The following MBP variants were observed in gnomAD, a reference collection of about 807,000 sequenced individuals.
MBP encodes myelin basic protein, also known as Golli-MBP.
MBP carries 16 observed loss-of-function variants against 35.8 expected under a neutral mutation model. The ratio of observed to expected loss-of-function variants is 0.45; its 90% CI spans 0.30 to 0.68. MBP has a LOEUF of 0.68. Among genes scored for constraint, MBP ranks in the 30% least tolerant of loss-of-function variants. The probability of loss-of-function intolerance (pLI) is 0.08; values close to 1 mark genes in which losing one functional copy is unlikely to be tolerated. For missense variants in MBP, 380 were observed against 404.7 expected (o/e 0.94, Z 0.52); for synonymous variants, 143 against 159.6 (o/e 0.90, Z 0.78).
intron 4 of MBP, among the ~76,000 whole-genome samples, chr18:76,998,533 CGG>C (rs58548270): frequency 0.28 from 42,542 of 151,986 alleles, 6,528 homozygotes; most frequent in Non-Finnish European, 0.36. Context: ...CCCATGCCCT[CGG>C]GTGACTCGCA....
At chr18:77,036,046 T>C (rs11661965) in intron 3 of MBP, among the ~76,000 whole-genome samples, 57,274 of 151,682 alleles carry the variant, frequency 0.38, 12,221 homozygotes, top group Non-Finnish European at 0.48. Flanking sequence ...ACTCATGTCA[T>C]GGTCACATTT....
At chr18:76,990,895 C>T (rs1169354917) in intron 4 of MBP, 1 of 311,134 alleles carries the variant, frequency 3.2e-6, no homozygotes, top group Non-Finnish European at 6.6e-6. Flanking sequence ...TTTCTATCAC[C>T]GACTCAGTGT....
intron 1 of MBP, among the ~76,000 whole-genome samples, chr18:77,119,092 G>T (rs964256889): frequency 6.6e-6 from 1 of 152,190 alleles, no homozygotes; most frequent in African/African-American, 2.4e-5. Flanking sequence ...ACCACAGTTG[G>T]TCCCACAGGT....
chr18:77,020,049 C>T lies in MBP; in HGVS notation c.140-2781G>A, dbSNP rs371250940. Among the ~76,000 whole-genome samples, 19 of 152,000 alleles carry T rather than the reference C, an allele frequency of 1.3e-4. No homozygotes were observed. The highest frequency in any genetic ancestry group is 2.1e-4 in the South Asian group (1 of 4,796). ...AAGGGCAGAGCAGGCAGCTATGTGG[C>T]GAGAAGACAGGGCTTGGTTTGGGGA... On this transcript the variant is annotated intron_variant, in intron 3 of 8. Coordinates refer to ENST00000355994, the MANE Select transcript of MBP (RefSeq NM_001025101.2). This position sits in a 1 kb window ranked among gnomAD's most constrained non-coding sequence, Gnocchi z 4.1.
intron 3 of MBP, among the ~76,000 whole-genome samples, chr18:77,054,685 C>T (rs1973651818): frequency 6.6e-6 from 1 of 152,184 alleles, no homozygotes; most frequent in Non-Finnish European, 1.5e-5. Context: ...AATAGTGCTC[C>T]TCATTTTGTA....
chr18:77,127,632 A>G (rs952347927), intron 1 of MBP: 1 of 152,250 alleles, frequency 6.6e-6, no homozygotes, highest in African/African-American at 2.4e-5. Flanking sequence ...ATAATCACCG[A>G]GTGGTAAGGC....
chr18:77,081,914 T>A (rs866085939), intron 2 of MBP, among the ~76,000 whole-genome samples: 2 of 150,756 alleles, frequency 1.3e-5, no homozygotes, highest in South Asian at 2.1e-4. Flanking sequence ...TGCAGTGGCA[T>A]GATCTTGGCT....
At position 76,987,897 on chromosome 18, in the gene MBP, T is replaced by G. The variant is rs534692438; in HGVS notation, c.750+598A>C. The G allele has an allele frequency of 1.0e-4, 106 of 1,064,220 alleles. 2 individuals are homozygous for G. In the South Asian group the frequency reaches 2.5e-3, roughly 25 times the overall value. The allele number at this position is 1,064,220 out of a possible 1,614,324, so 65.9% of individuals were successfully genotyped here. On this transcript the variant is annotated intron_variant, in intron 7 of 8. Transcript: ENST00000355994. ...TTTTAAACCTTCCTTGAAAGTTTGC[T>G]TTCAGTATTAACCAGCCTAAAATTC...
chr18:77,041,521 A>T (rs927559672), intron 3 of MBP, among the ~76,000 whole-genome samples: 2 of 152,160 alleles, frequency 1.3e-5, no homozygotes, highest in African/African-American at 4.8e-5. Flanking sequence ...AAGACTTGGA[A>T]CCAACCCGAA....
intron 3 of MBP, among the ~76,000 whole-genome samples, chr18:77,027,064 C>T (rs1415066395): frequency 6.6e-6 from 1 of 152,052 alleles, no homozygotes; most frequent in Non-Finnish European, 1.5e-5. Context: ...GTATTTGCAT[C>T]GTTCCCATCT....
chr18:77,025,157 T>C (rs981627809), intron 3 of MBP, among the ~76,000 whole-genome samples: 2 of 152,230 alleles, frequency 1.3e-5, no homozygotes, highest in Non-Finnish European at 2.9e-5. Context: ...TCCCTCCGTA[T>C]GTTCTAGAAA....
In MBP at chr18:76,988,255, G is replaced by A; in HGVS notation, c.750+240C>T. Reference sequence around the variant, plus strand: ...GGAACCCTCTGGGAGAAGAGGATCTGGCCTTGCAGGGCTGGGTCCCCGGCA... The same window carrying A: ...GGAACCCTCTGGGAGAAGAGGATCTAGCCTTGCAGGGCTGGGTCCCCGGCA... On this transcript the variant is annotated intron_variant, in intron 7 of 8. Coordinates refer to ENST00000355994, the MANE Select transcript of MBP (RefSeq NM_001025101.2). This position sits in a 1 kb window ranked among gnomAD's most constrained non-coding sequence, Gnocchi z 5.2. 6.5e-7 allele frequency: 1 copy of A among 1,550,386 alleles called. No individual in the cohort carries two copies. Among genetic ancestry groups the A allele is most frequent in the African/African-American group, 1.4e-5 (1 of 73,144 alleles).
chr18:77,082,920 GACTA>G (rs1264853638), intron 2 of MBP, among the ~76,000 whole-genome samples: 1 of 151,788 alleles, frequency 6.6e-6, no homozygotes, highest in East Asian at 1.9e-4. Flanking sequence ...CATTTAAGGA[GACTA>G]ACTATTCTCT....
At chr18:77,128,341 T>C (rs138066371) in intron 1 of MBP, among the ~76,000 whole-genome samples, 25 of 152,270 alleles carry the variant, frequency 1.6e-4, no homozygotes, top group Non-Finnish European at 3.2e-4. Flanking sequence ...GACAAAATTA[T>C]AGAAAATAGG....
Position 76,988,891 on chromosome 18 carries a change from G to A in MBP, c.703C>T (p.Pro235Ser), listed in dbSNP as rs141888125. 8 of 1,614,012 alleles carry A rather than the reference G, an allele frequency of 5.0e-6. No homozygotes were observed. The Admixed American group carries it at 8.3e-5, about 17-fold the overall frequency. ...CAAGGTCTTACCTTTCCCTGCGACG[G>A]GGGTGGTGTGCGAGGCGTCACCTGG... Reference protein sequence around the residue: ...KNIVTPRTPPPSQGKGRGLSL... With the variant: ...KNIVTPRTPPSSQGKGRGLSL... Residue 235 changes from proline to serine, a missense_variant, in exon 6 of 9, where the codon CCG becomes TCG. Coordinates refer to ENST00000355994, the MANE Select transcript of MBP (RefSeq NM_001025101.2). This position sits in a 1 kb window ranked among gnomAD's most constrained non-coding sequence, Gnocchi z 5.2.
At chr18:77,078,884 C>T (rs961079592) in intron 2 of MBP, among the ~76,000 whole-genome samples, 3 of 152,350 alleles carry the variant, frequency 2.0e-5, no homozygotes, top group Non-Finnish European at 4.4e-5. Context: ...GAGCCCCAGG[C>T]GGGCTCAGCA....
At chr18:76,991,525 C>G (rs1257463694) in intron 4 of MBP, among the ~76,000 whole-genome samples, 2 of 152,276 alleles carry the variant, frequency 1.3e-5, no homozygotes, top group Admixed American at 6.5e-5. Flanking sequence ...GCGGTGAATG[C>G]GCACCAGGCA....
intron 3 of MBP, among the ~76,000 whole-genome samples, chr18:77,018,511 A>G (rs1971791791): frequency 6.8e-6 from 1 of 147,310 alleles, no homozygotes; most frequent in Admixed American, 6.7e-5. Flanking sequence ...CCATCCATCT[A>G]TCCATCCATC....
chr18:77,036,481 G>A (rs1195650733), intron 3 of MBP, among the ~76,000 whole-genome samples: 2 of 114,460 alleles, frequency 1.7e-5, no homozygotes, highest in Non-Finnish European at 3.5e-5. Context: ...TTGGAGGACT[G>A]AGCTGAGCAA....
Sources: gnomAD v4.1 joint callset for allele counts (sites outside exome capture counted in the v4.1 genomes callset) on GRCh38, gnomAD v4.1.1 for gene constraint, Gnocchi (gnomAD v3.1) non-coding constraint, MANE v1.5 for transcripts, NCBI Gene and HGNC (gene_info 2026-07-23, HGNC 2026-07-21) for gene names.